TAFA2: variants seen among roughly 807,000 people sequenced by gnomAD.
TAFA2 encodes the protein TAFA chemokine like family member 2, also known as chemokine-like protein TAFA-2.
In TAFA2, 7 loss-of-function variants were observed where a neutral mutation model predicts 18.8. That is an observed-to-expected ratio of 0.37 (90% confidence interval 0.21 to 0.70). The LOEUF is 0.70. TAFA2 is among the 30% of genes least tolerant of loss of function. The pLI, the probability that TAFA2 is intolerant of heterozygous loss-of-function variation, is 0.53. For missense variants in TAFA2, 122 were observed against 158.1 expected (o/e 0.77, Z 1.23); for synonymous variants, 60 against 54.2 (o/e 1.11, Z -0.47).
At chr12:62,113,332 T>C (rs1405295461) in intron 1 of TAFA2, among the ~76,000 whole-genome samples, 2 of 152,172 alleles carry the variant, frequency 1.3e-5, no homozygotes, top group Non-Finnish European at 2.9e-5. Context: ...GCAGCAAAGA[T>C]TGCTGCCTGT....
chr12:61,943,511 G>A (rs370717232), intron 1 of TAFA2, among the ~76,000 whole-genome samples: 8 of 143,574 alleles, frequency 5.6e-5, no homozygotes, highest in Admixed American at 2.1e-4. Flanking sequence ...AGACTGGCAA[G>A]TTGGATAAAG....
intron 1 of TAFA2, among the ~76,000 whole-genome samples, chr12:62,107,446 A>C (rs1869511002): frequency 6.6e-6 from 1 of 152,184 alleles, no homozygotes; most frequent in Non-Finnish European, 1.5e-5. Flanking sequence ...AAAGTAGTGA[A>C]CTCAAAAACA....
chr12:61,875,259 T>A (rs541175939), intron 1 of TAFA2, among the ~76,000 whole-genome samples: 4 of 152,196 alleles, frequency 2.6e-5, no homozygotes, highest in African/African-American at 9.6e-5. Flanking sequence ...GGAGGGTGCA[T>A]CCATAATATT....
intron 1 of TAFA2, among the ~76,000 whole-genome samples, chr12:62,006,824 T>C (rs1469454444): frequency 1.3e-5 from 2 of 152,142 alleles, no homozygotes; most frequent in African/African-American, 4.8e-5. Flanking sequence ...CATTTTAATA[T>C]CTCCTTGCAA....
intron 1 of TAFA2, among the ~76,000 whole-genome samples, chr12:62,077,139 T>C (rs1868254879): frequency 6.6e-6 from 1 of 152,236 alleles, no homozygotes; most frequent in Non-Finnish European, 1.5e-5. Context: ...AAGTCATTAA[T>C]TACCAACATA....
chr12:62,087,319 A>G (rs1164204121), intron 1 of TAFA2, among the ~76,000 whole-genome samples: 1 of 152,188 alleles, frequency 6.6e-6, no homozygotes, highest in East Asian at 1.9e-4. Context: ...ACACTTTACC[A>G]CGGTAAAAAC....
intron 1 of TAFA2, among the ~76,000 whole-genome samples, chr12:62,164,999 T>C (rs765003261): frequency 3.3e-5 from 5 of 152,058 alleles, no homozygotes; most frequent in Admixed American, 6.6e-5. Context: ...GTGGCAGAGC[T>C]GAAACTGAAA....
At chr12:61,983,627 C>T (rs1364697399) in intron 1 of TAFA2, among the ~76,000 whole-genome samples, 12 of 152,006 alleles carry the variant, frequency 7.9e-5, no homozygotes, top group Non-Finnish European at 7.4e-5. Flanking sequence ...AGGATGGTCT[C>T]GATCTCTTGA....
At chr12:61,721,938 AGAGT>A (rs936738106) in intron 4 of TAFA2, among the ~76,000 whole-genome samples, 23 of 147,274 alleles carry the variant, frequency 1.6e-4, no homozygotes, top group African/African-American at 5.3e-4. Context: ...CTGGGTGACA[AGAGT>A]GAGACTCTCT....
At chr12:61,847,338 T>C (rs1873449523) in intron 2 of TAFA2, among the ~76,000 whole-genome samples, 1 of 152,190 alleles carries the variant, frequency 6.6e-6, no homozygotes, top group African/African-American at 2.4e-5. Flanking sequence ...TCATAGTCTC[T>C]TGGTACTTAA....
chr12:61,817,164 A>G (rs1872120727), intron 2 of TAFA2, among the ~76,000 whole-genome samples: 1 of 146,256 alleles, frequency 6.8e-6, no homozygotes, highest in Admixed American at 6.7e-5. Flanking sequence ...TAGTGACTGG[A>G]AAGTGGGCTT....
intron 2 of TAFA2, among the ~76,000 whole-genome samples, chr12:61,830,026 G>A (rs1277761914): frequency 6.6e-6 from 1 of 150,516 alleles, no homozygotes; most frequent in Non-Finnish European, 1.5e-5. Flanking sequence ...TGTCAACAAT[G>A]TAAACTTTGT....
At chr12:61,783,421 C>T (rs1045209238) in intron 2 of TAFA2, among the ~76,000 whole-genome samples, 1 of 151,558 alleles carries the variant, frequency 6.6e-6, no homozygotes, top group Admixed American at 6.6e-5. Flanking sequence ...CTCTTCTTTA[C>T]CACTCGTGTA....
intron 2 of TAFA2, among the ~76,000 whole-genome samples, chr12:61,804,948 C>T (rs768975028): frequency 2.9e-4 from 44 of 151,886 alleles, no homozygotes; most frequent in Non-Finnish European, 4.9e-4. Context: ...AGTATTTATA[C>T]TTCTACATAA....
chr12:62,152,069 C>A (rs1157997060), intron 1 of TAFA2, among the ~76,000 whole-genome samples: 1 of 152,152 alleles, frequency 6.6e-6, no homozygotes, highest in African/African-American at 2.4e-5. Flanking sequence ...AAATACACAA[C>A]AGAATGCTAT....
chr12:61,873,612 A>G (rs1392323792), intron 1 of TAFA2, among the ~76,000 whole-genome samples: 1 of 152,194 alleles, frequency 6.6e-6, no homozygotes, highest in Non-Finnish European at 1.5e-5. Context: ...TTATTCCTTT[A>G]GTTTCCTTAT....
intron 1 of TAFA2, among the ~76,000 whole-genome samples, chr12:62,158,020 T>C (rs1388147325): frequency 6.6e-6 from 1 of 152,202 alleles, no homozygotes; most frequent in Non-Finnish European, 1.5e-5. Context: ...ATATATGACA[T>C]TTCTCATTCT....
intron 1 of TAFA2, among the ~76,000 whole-genome samples, chr12:62,010,380 G>T (rs1880696820): frequency 6.6e-6 from 1 of 152,084 alleles, no homozygotes; most frequent in Non-Finnish European, 1.5e-5. Context: ...CTGGTCTCCG[G>T]CTCCTGACCT....
chr12:62,087,381 G>A (rs1256578252), intron 1 of TAFA2, among the ~76,000 whole-genome samples: 2 of 152,120 alleles, frequency 1.3e-5, no homozygotes, highest in Non-Finnish European at 2.9e-5. Flanking sequence ...AAGAAACATT[G>A]TATCACTGAA....
Sources: gnomAD v4.1 joint callset for allele counts (sites outside exome capture counted in the v4.1 genomes callset) on GRCh38, gnomAD v4.1.1 for gene constraint, MANE v1.5 for transcripts, NCBI Gene and HGNC (gene_info 2026-07-23, HGNC 2026-07-21) for gene names.